ARHGAP15: variants seen among roughly 807,000 people sequenced by gnomAD.
ARHGAP15 encodes the protein Rho GTPase activating protein 15.
A neutral mutation model predicts 63.7 loss-of-function variants in ARHGAP15; 51 were observed. That is an observed-to-expected ratio of 0.80 (90% CI 0.64 to 1.01). The LOEUF (loss-of-function observed/expected upper bound fraction) is 1.01. Ranked by LOEUF, ARHGAP15 falls within the 50% of genes least tolerant of loss-of-function variation. ARHGAP15 has a pLI of 0.00. For missense variants in ARHGAP15, 560 were observed against 564.6 expected (o/e 0.99, Z 0.08); for synonymous variants, 191 against 193.8 (o/e 0.99, Z 0.12).
intron 13 of ARHGAP15, among the ~76,000 whole-genome samples, chr2:143,735,487 T>C (rs765702832): frequency 4.6e-5 from 7 of 152,220 alleles, no homozygotes; most frequent in Non-Finnish European, 7.3e-5. Flanking sequence ...AACACCAGAA[T>C]TGTATCGTAT....
intron 6 of ARHGAP15, among the ~76,000 whole-genome samples, chr2:143,264,503 C>CT (rs1322200041): frequency 1.3e-5 from 2 of 152,060 alleles, no homozygotes; most frequent in African/African-American, 4.8e-5. Context: ...CCTGGACCTG[C>CT]TGCAGGCATT....
intron 8 of ARHGAP15, among the ~76,000 whole-genome samples, chr2:143,472,275 T>C (rs535181995): frequency 6.6e-6 from 1 of 152,216 alleles, no homozygotes; most frequent in South Asian, 2.1e-4. Flanking sequence ...GATTTCTATA[T>C]ATTTTTTTAA....
chr2:143,435,305 A>T (rs1328227597), intron 6 of ARHGAP15: 1 of 1,060,332 alleles, frequency 9.4e-7, no homozygotes, highest in Admixed American at 5.6e-5. Context: ...TACTGTCTGC[A>T]GTTCTCTGAA....
intron 6 of ARHGAP15, among the ~76,000 whole-genome samples, chr2:143,254,020 A>G (rs1303135672): frequency 2.6e-5 from 4 of 152,158 alleles, no homozygotes; most frequent in African/African-American, 4.8e-5. Context: ...ACTCAGCTAT[A>G]ACGAGCTGGG....
chr2:143,579,156 A>C (rs1320719476), intron 11 of ARHGAP15, among the ~76,000 whole-genome samples: 1 of 152,196 alleles, frequency 6.6e-6, no homozygotes, highest in African/African-American at 2.4e-5. Flanking sequence ...TGTGTATTCA[A>C]ATACAATGTA....
At chr2:143,372,194 T>A (rs6719717) in intron 6 of ARHGAP15, among the ~76,000 whole-genome samples, 52,410 of 150,722 alleles carry the variant, frequency 0.35, 9,148 homozygotes, top group East Asian at 0.43. Flanking sequence ...GAGAAAAAAA[T>A]AGCCAGGCAT....
intron 2 of ARHGAP15, among the ~76,000 whole-genome samples, chr2:143,159,319 T>C (rs1240447584): frequency 1.3e-5 from 2 of 151,892 alleles, no homozygotes; most frequent in African/African-American, 2.4e-5. Flanking sequence ...CTTGCCAAAG[T>C]TGTGGCTAGC....
chr2:143,407,987 G>GTATATATATATA (rs58194704), intron 6 of ARHGAP15, among the ~76,000 whole-genome samples: 14 of 77,436 alleles, frequency 1.8e-4, no homozygotes, highest in South Asian at 7.8e-4. Flanking sequence ...TTCTGTGTGT[G>GTATATATATATA]TATATATATA....
chr2:143,462,862 G>A (rs1691019823), intron 8 of ARHGAP15, among the ~76,000 whole-genome samples: 1 of 152,136 alleles, frequency 6.6e-6, no homozygotes, highest in African/African-American at 2.4e-5. Context: ...TGCTATGCAA[G>A]TCTGAAGTTC....
At chr2:143,151,771 G>A (rs1001183310) in intron 1 of ARHGAP15, among the ~76,000 whole-genome samples, 1 of 151,890 alleles carries the variant, frequency 6.6e-6, no homozygotes, top group African/African-American at 2.4e-5. Flanking sequence ...AATAAAGAAA[G>A]GGCTCTAAGT....
chr2:143,308,583 C>T (rs1558881660), intron 6 of ARHGAP15, among the ~76,000 whole-genome samples: 1 of 151,868 alleles, frequency 6.6e-6, no homozygotes, highest in Non-Finnish European at 1.5e-5. Flanking sequence ...TTTATATTGC[C>T]AATGGCATGT....
rs143393714 is a variant in ARHGAP15, at chr2:143,252,531, C to A, written c.474+1931C>A. Among the ~76,000 whole-genome samples the A allele has an allele frequency of 9.3e-3, 1,410 of 151,948 alleles. 11 individuals are homozygous for A. The highest frequency in any genetic ancestry group is 0.015 in the Non-Finnish European group (1,004 of 67,874). On this transcript the variant is annotated intron_variant, in intron 6 of 13. Transcript: ENST00000295095. ...TGGGGCCTCAGTCTTCTTACAGACG[C>A]TTTATTTTTTTTTAGTCTTGTACTT...
chr2:143,596,446 T>C (rs1270932213), intron 11 of ARHGAP15, among the ~76,000 whole-genome samples: 2 of 152,080 alleles, frequency 1.3e-5, no homozygotes, highest in East Asian at 1.9e-4. Context: ...AATTGAATAC[T>C]TGTGAAGAGT....
In ARHGAP15 at chr2:143,646,645, T is replaced by TTA. The variant is rs1354272421; in HGVS notation, c.1138+22384_1138+22385dup. On this transcript the variant is annotated intron_variant, in intron 12 of 13. Transcript: ENST00000295095. ...AGTTGTGTAATGCCTTGACTGGGAT[T>TTA]TATATATGCTGAAAACAGTTTTTCA... Among the ~76,000 whole-genome samples the TTA allele has an allele frequency of 3.3e-5, 5 of 152,174 alleles. No homozygotes were observed. The East Asian group carries it at 9.7e-4, about 29-fold the overall frequency.
chr2:143,132,326 A>G (rs1037294630), intron 1 of ARHGAP15, among the ~76,000 whole-genome samples: 9 of 152,234 alleles, frequency 5.9e-5, no homozygotes, highest in Admixed American at 5.9e-4. Context: ...TAGCAAAGTC[A>G]GGAATGGCTG....
intron 6 of ARHGAP15, among the ~76,000 whole-genome samples, chr2:143,348,485 AT>A (rs903328471): frequency 6.6e-6 from 1 of 152,188 alleles, no homozygotes; most frequent in Admixed American, 6.6e-5. Context: ...GTTATTTTCA[AT>A]TGTTAATGAA....
chr2:143,712,022 G>T (rs1044408580), intron 13 of ARHGAP15, among the ~76,000 whole-genome samples: 1 of 152,154 alleles, frequency 6.6e-6, no homozygotes, highest in Non-Finnish European at 1.5e-5. Flanking sequence ...TATTCATAAA[G>T]ACCACAGTTT....
intron 11 of ARHGAP15, among the ~76,000 whole-genome samples, chr2:143,599,931 T>C (rs1407890549): frequency 6.6e-6 from 1 of 152,196 alleles, no homozygotes; most frequent in African/African-American, 2.4e-5. Flanking sequence ...TCACATATTG[T>C]TGAATTCCAA....
At chr2:143,746,300 A>AG (rs1686162669) in intron 13 of ARHGAP15, among the ~76,000 whole-genome samples, 1 of 151,978 alleles carries the variant, frequency 6.6e-6, no homozygotes, top group South Asian at 2.1e-4. Context: ...TTTCAAAAAA[A>AG]AACCCTCTAA....
Sources: allele counts gnomAD v4.1 joint callset (sites outside exome capture counted in the v4.1 genomes callset), GRCh38; gene constraint gnomAD v4.1.1; transcripts MANE v1.5; gene names NCBI Gene and HGNC (gene_info 2026-07-23, HGNC 2026-07-21).